The following RAP1B variants were observed in gnomAD, a reference collection of about 807,000 sequenced individuals.
RAP1B encodes the protein ras-related protein Rap-1b.
In RAP1B, 1 loss-of-function variant was observed where a neutral mutation model predicts 27.5. The observed-to-expected ratio is 0.04, with a 90% CI of 0.01 to 0.17. RAP1B has a LOEUF of 0.17. Among genes scored for constraint, RAP1B ranks in the 10% least tolerant of loss-of-function variants. The probability of loss-of-function intolerance (pLI) is 1.00; values close to 1 mark genes in which losing one functional copy is unlikely to be tolerated. For missense variants in RAP1B, 84 were observed against 214.8 expected (o/e 0.39, Z 3.81); for synonymous variants, 75 against 73.1 (o/e 1.03, Z -0.13).
At chr12:68,626,603 A>C (rs1015774304) in intron 1 of RAP1B, among the ~76,000 whole-genome samples, 1 of 152,042 alleles carries the variant, frequency 6.6e-6, no homozygotes, top group Non-Finnish European at 1.5e-5. Context: ...TAATAATCTG[A>C]TTTCTGGAGA....
intron 5 of RAP1B, among the ~76,000 whole-genome samples, chr12:68,655,514 T>G (rs1245269878): frequency 6.6e-6 from 1 of 151,742 alleles, no homozygotes; most frequent in East Asian, 1.9e-4. Context: ...AGTGGCTTGA[T>G]TTTTAGTAAA....
chr12:68,615,911 A>G (rs935989209), intron 1 of RAP1B, among the ~76,000 whole-genome samples: 2 of 152,072 alleles, frequency 1.3e-5, no homozygotes, highest in African/African-American at 4.8e-5. Flanking sequence ...ACTGTTGTGC[A>G]GATAGACTGA....
chr12:68,622,038 G>C (rs904018747), intron 1 of RAP1B, among the ~76,000 whole-genome samples: 3 of 152,084 alleles, frequency 2.0e-5, no homozygotes, highest in African/African-American at 4.8e-5. Flanking sequence ...ATTGTACTCT[G>C]TTGTCTTAAA....
rs1322610494 is a variant in RAP1B, at chr12:68,662,871, G to T, written c.*3622G>T. On this transcript the variant is annotated 3_prime_UTR_variant, in exon 8 of 8. Coordinates refer to ENST00000250559, the MANE Select transcript of RAP1B (RefSeq NM_001010942.3). ...TAATTAGCTGGGCATGGTGGTGCAC[G>T]TCTGTACCTGTAGTCCCAGCTATTC... 5 of 151,810 alleles carry T rather than the reference G, an allele frequency of 3.3e-5. No homozygotes were observed. The highest frequency in any genetic ancestry group is 1.2e-4 in the African/African-American group (5 of 41,282). The allele number at this position is 151,810 out of a possible 1,614,324, so 9.4% of individuals were successfully genotyped here. A position where few individuals can be genotyped will look rare whatever the true frequency, so the allele number is the denominator to read the frequency against.
At position 68,661,027 on chromosome 12, in the gene RAP1B, A is replaced by T. The variant is rs1289057458; in HGVS notation, c.*1778A>T. ...TTATAGAATTATTTTAAAACTTTTT[A>T]AAAATTGTAAAGCTCTTAAAAAACT... On this transcript the variant is annotated 3_prime_UTR_variant, in exon 8 of 8. Coordinates refer to ENST00000250559, the MANE Select transcript of RAP1B (RefSeq NM_001010942.3). 2 of 152,194 alleles carry T rather than the reference A, an allele frequency of 1.3e-5. No homozygotes were observed. The highest frequency in any genetic ancestry group is 2.4e-5 in the African/African-American group (1 of 41,448). The allele number at this position is 152,194 out of a possible 1,614,324, so 9.4% of individuals were successfully genotyped here.
In RAP1B at chr12:68,671,268, T is replaced by C. The variant is rs1469555443; in HGVS notation, c.*12019T>C. 6.6e-6 allele frequency: 1 copy of C among 152,044 alleles called. No homozygotes were observed. The highest frequency in any genetic ancestry group is 1.5e-5 in the Non-Finnish European group (1 of 68,018). 9.4% of individuals were successfully genotyped at this position (152,044 alleles called of 1,614,324 possible). On this transcript the variant is annotated 3_prime_UTR_variant, in exon 8 of 8. Transcript: ENST00000250559. ...CAAGAAATGAATCATTTATTGCTGA[T>C]GGAAATGTGCATTGTAGAGCTGATA...
chr12:68,615,095 C>A (rs533813373), intron 1 of RAP1B, among the ~76,000 whole-genome samples: 1 of 152,168 alleles, frequency 6.6e-6, no homozygotes, highest in Non-Finnish European at 1.5e-5. Context: ...TAAAATTCAC[C>A]AGCAACAAAA....
At chr12:68,633,940 C>G (rs535583839) in intron 1 of RAP1B, among the ~76,000 whole-genome samples, 72 of 152,258 alleles carry the variant, frequency 4.7e-4, no homozygotes, top group African/African-American at 1.7e-3. Context: ...TTAATGTTTT[C>G]TCGTTGCCTC....
At chr12:68,632,577 G>A (rs73332519) in intron 1 of RAP1B, among the ~76,000 whole-genome samples, 1 of 152,032 alleles carries the variant, frequency 6.6e-6, no homozygotes, top group Non-Finnish European at 1.5e-5. Flanking sequence ...TTTGACTAAA[G>A]TTGAAAAAGA....
At chr12:68,654,352 G>GGT in intron 5 of RAP1B, 100 bp downstream of exon 5, 2 of 222,162 alleles carry the variant, frequency 9.0e-6, no homozygotes, top group South Asian at 1.6e-4. Context: ...TATTTTGGTT[G>GGT]GGGGGGGGGT....
intron 1 of RAP1B, among the ~76,000 whole-genome samples, chr12:68,615,115 A>G (rs1046141835): frequency 3.3e-5 from 5 of 152,216 alleles, no homozygotes; most frequent in African/African-American, 1.2e-4. Context: ...AAATAGTATC[A>G]CTTACATTCC....
At position 68,662,033 on chromosome 12, in the gene RAP1B, T is replaced by TATAA. The variant is rs1491484545; in HGVS notation, c.*2784_*2785insATAA. The TATAA allele has an allele frequency of 1.5e-5, 2 of 131,970 alleles. No homozygotes were observed. The highest frequency in any genetic ancestry group is 2.6e-5 in the African/African-American group (1 of 37,790). The allele number at this position is 131,970 out of a possible 1,614,324, so 8.2% of individuals were successfully genotyped here. ...CTATATATATATATATATATATATA[T>TATAA]TATATATAGTACATATATAGAGAGA... On this transcript the variant is annotated 3_prime_UTR_variant, in exon 8 of 8. Coordinates refer to ENST00000250559, the MANE Select transcript of RAP1B (RefSeq NM_001010942.3).
intron 1 of RAP1B, among the ~76,000 whole-genome samples, chr12:68,615,770 CAT>C (rs1870941225): frequency 3.9e-5 from 6 of 152,074 alleles, no homozygotes; most frequent in Admixed American, 3.3e-4. Flanking sequence ...TGTAGTTATA[CAT>C]GTGTATATAT....
chr12:68,653,529 T>C (rs1201829736), intron 4 of RAP1B, among the ~76,000 whole-genome samples: 1 of 152,198 alleles, frequency 6.6e-6, no homozygotes, highest in East Asian at 1.9e-4. Context: ...CATGATGATG[T>C]ATTTTAAAAG....
chr12:68,652,561 T>C (rs1873892219), intron 4 of RAP1B, among the ~76,000 whole-genome samples: 1 of 152,198 alleles, frequency 6.6e-6, no homozygotes, highest in Non-Finnish European at 1.5e-5. Context: ...ACGCCTGTAA[T>C]CCCAGCACTT....
chr12:68,618,026 C>G (rs1052665742), intron 1 of RAP1B, among the ~76,000 whole-genome samples: 25 of 147,558 alleles, frequency 1.7e-4, no homozygotes, highest in Non-Finnish European at 2.7e-4. Flanking sequence ...ACCTCCCAAA[C>G]TGCTAGGATT....
chr12:68,647,640 G>A (rs1055242335), intron 1 of RAP1B, among the ~76,000 whole-genome samples: 25 of 151,312 alleles, frequency 1.7e-4, no homozygotes, highest in Non-Finnish European at 2.7e-4. Context: ...GGGGAATTAG[G>A]AAGTTCCATG....
At position 68,668,326 on chromosome 12, in the gene RAP1B, A is replaced by T. The variant is rs1874934033; in HGVS notation, c.*9077A>T. 1 of 152,166 alleles carries T rather than the reference A, an allele frequency of 6.6e-6. No individual in the cohort carries two copies. The highest frequency in any genetic ancestry group is 2.4e-5 in the African/African-American group (1 of 41,440). The allele number at this position is 152,166 out of a possible 1,614,324, so 9.4% of individuals were successfully genotyped here. On this transcript the variant is annotated 3_prime_UTR_variant, in exon 8 of 8. Transcript: ENST00000250559. ...CAGAGGAGCCAGTTGCACAGTGTTG[A>T]TCTCCCTAAGACTATTATAATAAGG...
At position 68,661,093 on chromosome 12, in the gene RAP1B, GATA is replaced by G. The variant is rs1874571624; in HGVS notation, c.*1848_*1850del. The G allele has an allele frequency of 6.6e-6, 1 of 152,148 alleles. No individual in the cohort carries two copies. The highest frequency in any genetic ancestry group is 1.5e-5 in the Non-Finnish European group (1 of 68,000). The allele number at this position is 152,148 out of a possible 1,614,324, so 9.4% of individuals were successfully genotyped here. A position where few individuals can be genotyped will look rare whatever the true frequency, so the allele number is the denominator to read the frequency against. ...CCAGCTACTGGAGCAATTAATCAGTGATAATATCTAATAGAGGGGTATCTGCTA... is the reference window on the plus strand; with the variant it reads ...CCAGCTACTGGAGCAATTAATCAGTGATATCTAATAGAGGGGTATCTGCTA... On this transcript the variant is annotated 3_prime_UTR_variant, in exon 8 of 8. Transcript: ENST00000250559.
Sources: gnomAD v4.1 joint callset for allele counts (sites outside exome capture counted in the v4.1 genomes callset) on GRCh38, gnomAD v4.1.1 for gene constraint, MANE v1.5 for transcripts, NCBI Gene and HGNC (gene_info 2026-07-23, HGNC 2026-07-21) for gene names.